The following MUC3A variants were observed in gnomAD, a reference collection of about 807,000 sequenced individuals.
MUC3A encodes the protein mucin-3A.
A neutral mutation model predicts 109.0 loss-of-function variants in MUC3A; 109 were observed. That is an observed-to-expected ratio of 1.00 (90% CI 0.86 to 1.17). The LOEUF is 1.17. MUC3A is among the 50% of genes most tolerant of loss of function. The pLI is 0.00. For missense variants in MUC3A, 3,537 were observed against 2,469.4 expected, an observed-to-expected ratio of 1.43 and a Z score of -9.16; for synonymous variants, 1,398 against 981.4, an observed-to-expected ratio of 1.42 and a Z score of -7.93.
chr7:100,950,084 T>TC (rs1476652222), intron 1 of MUC3A, among the ~76,000 whole-genome samples: 1 of 152,238 alleles, frequency 6.6e-6, no homozygotes, highest in East Asian at 1.9e-4. Flanking sequence ...AGCTTGAGTG[T>TC]CCCCTTCACA....
rs73714255 is a variant in MUC3A at position 100,960,242 on chromosome 7, C to T, written c.8463C>T (p.Ile2821=). The T allele has an allele frequency of 3.8e-6, 6 of 1,596,548 alleles. No individual in the cohort carries two copies. Among genetic ancestry groups the T allele is most frequent in the Middle Eastern group, 1.7e-4 (1 of 6,050 alleles). The change falls in exon 2 of 12, where the codon ATC becomes ATT. Residue 2821 remains isoleucine, a synonymous_variant. Transcript: ENST00000379458. ...EMVTCPTSIS[I]QTTLTTYMDT... is the part of the protein sequence containing the mutation. ...TCACCTGTCCTACCTCCATCAGTAT[C>T]CAAACTACTCTTACTACATATATGG...
chr7:100,959,650 T>A lies in MUC3A; in HGVS notation c.7871T>A (p.Val2624Glu). The A allele has an allele frequency of 6.3e-7, 1 of 1,598,514 alleles. No homozygotes were observed. The highest frequency in any genetic ancestry group is 8.5e-7 in the Non-Finnish European group (1 of 1,179,786). The change falls in exon 2 of 12, where the codon GTG (valine) becomes GAG (glutamate). Residue 2624 changes from valine to glutamate, a missense_variant. Physicochemically the swap from Val to Glu is moderately radical, Grantham distance 121. Coordinates refer to ENST00000379458, the MANE Select transcript of MUC3A (RefSeq NM_005960.2). ...CCATCAACAGCCTTGAGCACGATCG[T>A]GTCAACATCACAGGTTCCTATTCCT... is the stretch of plus-strand genomic sequence containing the variant. ...LTPSTALSTI[V>E]STSQVPIPST...
chr7:100,966,031 G>A, intron 8 of MUC3A, 165 bp downstream of exon 8: 1 of 885,922 alleles, frequency 1.1e-6, no homozygotes, highest in Admixed American at 5.8e-5. Flanking sequence ...GTGGAGCCCT[G>A]CCCTGGAGCT....
In MUC3A at chr7:100,952,963, C is replaced by T; in HGVS notation, c.1184C>T (p.Ser395Phe). 6.4e-7 allele frequency: 1 copy of T among 1,574,698 alleles called. No homozygotes were observed. Among genetic ancestry groups the T allele is most frequent in the Non-Finnish European group, 8.6e-7 (1 of 1,169,286 alleles). The change falls in exon 2 of 12, where the codon TCC becomes TTC. Residue 395 changes from serine to phenylalanine, a missense_variant. Coordinates refer to ENST00000379458, the MANE Select transcript of MUC3A (RefSeq NM_005960.2). ...TNLVTTTTEI[S>F]SHSTPSFSSS... ...TTGGTAACCACCACCACTGAGATCT[C>T]CTCCCACAGTACTCCCAGCTTCTCT...
At position 100,959,526 on chromosome 7, in the gene MUC3A, G is replaced by A. The variant is rs769551993; in HGVS notation, c.7747G>A (p.Val2583Ile). 4.4e-6 allele frequency: 7 copies of A among 1,591,114 alleles called. No homozygotes were observed. The highest frequency in any genetic ancestry group is 6.0e-6 in the Non-Finnish European group (7 of 1,176,464). ...TGAAACCCCAACACAGACCCCTCCTGTACTGACGTCAGCCACTGGGACCCA... is the reference window on the plus strand; with the variant it reads ...TGAAACCCCAACACAGACCCCTCCTATACTGACGTCAGCCACTGGGACCCA... ...IPETPTQTPP[V>I]LTSATGTQTS... The change falls in exon 2 of 12, where the codon GTA becomes ATA. Residue 2583 changes from valine (V) to isoleucine (I), a missense_variant. Physicochemically the swap from Val to Ile is conservative, Grantham distance 29. Transcript: ENST00000379458.
rs1159727173 is a variant in MUC3A, at chr7:100,967,854, C to T, written c.*692C>T. 1.4e-5 allele frequency: 1 copy of T among 73,308 alleles called. No individual in the cohort carries two copies. Among genetic ancestry groups the T allele is most frequent in the Non-Finnish European group, 3.0e-5 (1 of 33,830 alleles). 4.5% of individuals were successfully genotyped at this position (73,308 alleles called of 1,614,324 possible). A position where few individuals can be genotyped will look rare whatever the true frequency, so the allele number is the denominator to read the frequency against. On this transcript the variant is annotated 3_prime_UTR_variant, in exon 12 of 12. Coordinates refer to ENST00000379458, the MANE Select transcript of MUC3A (RefSeq NM_005960.2). ...CTCTGTGTCTTAGGATACCCAGGTG[C>T]TGTTCTCCCCGTCACCCCGTTGCCC...
rs1229830781 is a variant in MUC3A, at chr7:100,955,121, T to G, written c.3342T>G (p.Thr1114=). Residue 1114 remains threonine (T), a synonymous_variant, in exon 2 of 12, where the codon ACT becomes ACG. Transcript: ENST00000379458. ...YSTSITGTLS[T]ATTLPPTSSS... The stretch of plus-strand genomic sequence containing the variant: ...CAAGTATAACAGGTACATTGTCCAC[T>G]GCCACTACTCTCCCACCCACCTCTT... The G allele has an allele frequency of 2.7e-5, 14 of 522,012 alleles. No individual in the cohort carries two copies. Among genetic ancestry groups the G allele is most frequent in the Non-Finnish European group, 4.7e-5 (14 of 296,790 alleles). The allele number at this position is 522,012 out of a possible 1,614,324, so 32.3% of individuals were successfully genotyped here.
intron 7 of MUC3A, 110 bp from the exon 8 acceptor site, chr7:100,965,594 C>T (rs889179572): frequency 2.2e-5 from 33 of 1,514,896 alleles, no homozygotes; most frequent in African/African-American, 8.2e-5. Flanking sequence ...CACAGCATCC[C>T]ACCTCGGAAA....
intron 6 of MUC3A, 94 bp downstream of exon 6, chr7:100,964,937 C>T: frequency 6.8e-7 from 1 of 1,479,460 alleles, no homozygotes; most frequent in Non-Finnish European, 9.0e-7. Context: ...GGTGCCAGCC[C>T]TGTGGTACCT....
chr7:100,960,595 C>A lies in MUC3A; in HGVS notation c.8816C>A (p.Thr2939Asn). The A allele has an allele frequency of 6.3e-7, 1 of 1,598,688 alleles. No individual in the cohort carries two copies. Among genetic ancestry groups the A allele is most frequent in the Non-Finnish European group, 8.5e-7 (1 of 1,179,782 alleles). The change falls in exon 2 of 12, where the codon ACT becomes AAT. Residue 2939 changes from threonine (T) to asparagine (N), a missense_variant. Transcript: ENST00000379458. ...ACCACCCTTACATCACGCAGGACAACTCGCATCACTTCTCAGATGACCACA... is the reference window on the plus strand; with the variant it reads ...ACCACCCTTACATCACGCAGGACAAATCGCATCACTTCTCAGATGACCACA... Reference protein sequence around the residue: ...TPTTLTSRRTTRITSQMTTQS... With the variant: ...TPTTLTSRRTNRITSQMTTQS...
chr7:100,966,037 G>C (rs936780059), intron 8 of MUC3A, 171 bp downstream of exon 8: 6 of 572,836 alleles, frequency 1.0e-5, no homozygotes, highest in Middle Eastern at 1.1e-3. Context: ...CCCTGCCCTG[G>C]AGCTCTGCTC....
chr7:100,963,489 G>A (rs1435913206), intron 4 of MUC3A, among the ~76,000 whole-genome samples, 199 bp from the exon 5 acceptor site: 1 of 152,310 alleles, frequency 6.6e-6, no homozygotes, highest in African/African-American at 2.4e-5. Context: ...TTTTCACTAT[G>A]TTGGCCAGAC....
chr7:100,953,772 AGTATG>A lies in MUC3A; in HGVS notation c.1994_1998del (p.Ser665ThrfsTer42). The A allele has an allele frequency of 2.3e-6, 1 of 426,754 alleles. No homozygotes were observed. The allele number at this position is 426,754 out of a possible 1,614,324, so 26.4% of individuals were successfully genotyped here. A position where few individuals can be genotyped will look rare whatever the true frequency, so the allele number is the denominator to read the frequency against. ...CACCAATTCTTTTACATCACTGACC[AGTATG>A]CCTCTGTCTTCTACACCTGTCCCAA... is the stretch of plus-strand genomic sequence containing the variant. On this transcript the variant is annotated frameshift_variant, in exon 2 of 12. Coordinates refer to ENST00000379458, the MANE Select transcript of MUC3A (RefSeq NM_005960.2). LOFTEE classifies it high-confidence loss of function.
Position 100,966,499 on chromosome 7 carries a change from T to C in MUC3A, c.9725T>C (p.Leu3242Pro). ...GGCGCCGCGCTGCTGGTGCTGCTGC[T>C]GCTGGCGCTGGGCGTCCGGGCGGTG... Reference protein sequence around the residue: ...TAGAALLVLLLLALGVRAVRS... With the variant: ...TAGAALLVLLPLALGVRAVRS... The change falls in exon 9 of 12, where the codon CTG becomes CCG. Residue 3242 changes from leucine (L) to proline (P), a missense_variant. Physicochemically the swap from Leu to Pro is moderately conservative, Grantham distance 98. Transcript: ENST00000379458. 5.3e-6 allele frequency: 7 copies of C among 1,309,046 alleles called. No homozygotes were observed. Among genetic ancestry groups the C allele is most frequent in the Non-Finnish European group, 6.7e-6 (7 of 1,038,530 alleles). The allele number at this position is 1,309,046 out of a possible 1,614,324, so 81.1% of individuals were successfully genotyped here.
chr7:100,961,833 A>T (rs1792340469), intron 3 of MUC3A, among the ~76,000 whole-genome samples: 1 of 152,310 alleles, frequency 6.6e-6, no homozygotes, highest in South Asian at 2.1e-4. Context: ...GAAAAAAAAA[A>T]ATCAGCTGAT....
At position 100,959,821 on chromosome 7, in the gene MUC3A, T is replaced by C. The variant is rs769040169; in HGVS notation, c.8042T>C (p.Ile2681Thr). Reference sequence around the variant, plus strand: ...ATCTTGACTTCTTTTAGTACCATCATCTGGTCCTCAACACCCACTATTATC... The same window carrying C: ...ATCTTGACTTCTTTTAGTACCATCACCTGGTCCTCAACACCCACTATTATC... ...NAILTSFSTI[I>T]WSSTPTIIMS... Residue 2681 changes from isoleucine to threonine, a missense_variant, in exon 2 of 12, where the codon ATC (isoleucine) becomes ACC (threonine). Transcript: ENST00000379458. 7 of 1,584,436 alleles carry C rather than the reference T, an allele frequency of 4.4e-6. No homozygotes were observed. Among genetic ancestry groups the C allele is most frequent in the East Asian group, 4.5e-5 (2 of 44,880 alleles).
At chr7:100,966,243 A>AGACCCGTCCACTTG in intron 8 of MUC3A, 143 bp from the exon 9 acceptor site, 1 of 827,612 alleles carries the variant, frequency 1.2e-6, no homozygotes, top group Non-Finnish European at 1.6e-6. Context: ...TCTAGGGTGG[A>AGACCCGTCCACTTG]TTCCCAGCCC....
intron 5 of MUC3A, 27 bp from the exon 6 acceptor site, chr7:100,964,668 C>T (rs777986071): frequency 6.3e-7 from 1 of 1,579,118 alleles, no homozygotes; most frequent in Non-Finnish European, 8.6e-7. Flanking sequence ...CTGGCTGGGG[C>T]ACTCTCTAAG....
At chr7:100,962,467 C>T (rs1301576479) in intron 3 of MUC3A, among the ~76,000 whole-genome samples, 1 of 152,306 alleles carries the variant, frequency 6.6e-6, no homozygotes, top group Non-Finnish European at 1.5e-5. Flanking sequence ...AATCTGCACC[C>T]TTGATCCTCC....
Sources: allele counts gnomAD v4.1 joint callset (sites outside exome capture counted in the v4.1 genomes callset), GRCh38; gene constraint gnomAD v4.1.1; transcripts MANE v1.5; gene names NCBI Gene and HGNC (gene_info 2026-07-23, HGNC 2026-07-21).